ZNF75D: variants seen among roughly 807,000 people sequenced by gnomAD.
ZNF75D encodes zinc finger protein 75D, also known as zinc finger protein 75.
ZNF75D carries 33 observed loss-of-function variants against 33.3 expected under a neutral mutation model. The ratio of observed to expected loss-of-function variants is 0.99; its 90% CI spans 0.75 to 1.32. The LOEUF is 1.32. Among genes scored for constraint, ZNF75D ranks in the 40% most tolerant of loss-of-function variants. ZNF75D has a pLI of 0.00. For synonymous variants in ZNF75D, 113 were observed against 130.6 expected (o/e 0.87, Z 0.92); for missense variants, 338 against 367.5 (o/e 0.92, Z 0.66).
At chrX:135,318,087 ATT>A (rs1278807048) in intron 1 of ZNF75D, among the ~76,000 whole-genome samples, 8 of 95,059 alleles carry the variant, frequency 8.4e-5, no homozygotes, top group Admixed American at 2.3e-4. Context: ...ATATATATAT[ATT>A]TTTTTTTTTT....
At chrX:135,324,786 G>A (rs1015008788) in intron 1 of ZNF75D, among the ~76,000 whole-genome samples, 5 of 112,647 alleles carry the variant, frequency 4.4e-5, no homozygotes, top group African/African-American at 1.3e-4. Flanking sequence ...GGCTGCAAGC[G>A]TAGTTGTCTT....
intron 1 of ZNF75D, among the ~76,000 whole-genome samples, chrX:135,279,575 T>A (rs781860171): frequency 4.5e-5 from 5 of 111,799 alleles, no homozygotes; most frequent in Non-Finnish European, 7.5e-5. Context: ...TTAATTGTGA[T>A]GTTAGGGTGT....
At chrX:135,314,436 A>C (rs1438229690) in intron 1 of ZNF75D, among the ~76,000 whole-genome samples, 1 of 111,386 alleles carries the variant, frequency 9.0e-6, no homozygotes, top group Non-Finnish European at 1.9e-5. Context: ...CTCATCAGGG[A>C]TATTAGCTTA....
intron 1 of ZNF75D, among the ~76,000 whole-genome samples, chrX:135,257,109 G>A (rs1444227535): frequency 8.9e-6 from 1 of 112,272 alleles, no homozygotes; most frequent in African/African-American, 3.2e-5. Flanking sequence ...TCCCAGCTAT[G>A]GTGAAGGACT....
At chrX:135,256,517 G>A (rs1303562204) in intron 1 of ZNF75D, among the ~76,000 whole-genome samples, 1 of 111,920 alleles carries the variant, frequency 8.9e-6, no homozygotes, top group Non-Finnish European at 1.9e-5. Flanking sequence ...GCCACTGTGG[G>A]CAAAAGCGCT....
At chrX:135,288,768 C>A (rs782329719) in intron 6 of ZNF75D, among the ~76,000 whole-genome samples, 29 of 112,002 alleles carry the variant, frequency 2.6e-4, no homozygotes, top group Admixed American at 4.7e-4. Flanking sequence ...AATTTGCACA[C>A]CCTGTACTCT....
intron 1 of ZNF75D, among the ~76,000 whole-genome samples, chrX:135,257,113 A>G (rs1282292514): frequency 8.9e-6 from 1 of 112,295 alleles, no homozygotes; most frequent in Non-Finnish European, 1.9e-5. Flanking sequence ...AGCTATGGTG[A>G]AGGACTCCTT....
At chrX:135,315,406 G>A (rs2148485043) in intron 1 of ZNF75D, among the ~76,000 whole-genome samples, 1 of 112,402 alleles carries the variant, frequency 8.9e-6, no homozygotes, top group Admixed American at 9.4e-5. Flanking sequence ...TGAAAAGAAT[G>A]TGCATTCTGC....
intron 2 of ZNF75D, among the ~76,000 whole-genome samples, chrX:135,295,386 C>T (rs1238474850): frequency 8.9e-6 from 1 of 112,060 alleles, no homozygotes; most frequent in Non-Finnish European, 1.9e-5. Flanking sequence ...GCCCCAAATC[C>T]CCATCCCTGA....
At chrX:135,278,791 T>C (rs2083909512) in intron 1 of ZNF75D, among the ~76,000 whole-genome samples, 1 of 112,411 alleles carries the variant, frequency 8.9e-6, no homozygotes, top group Admixed American at 9.4e-5. Flanking sequence ...TGGATTATGT[T>C]TATTGGTTTG....
In ZNF75D at chrX:135,335,675, G is replaced by C. The variant is rs187995864; in HGVS notation, c.-391+6093C>G. Among the ~76,000 whole-genome samples the C allele has an allele frequency of 7.0e-4, 78 of 112,173 alleles. 2 individuals carry two copies. The East Asian group carries it at 0.02, about 28-fold the overall frequency. ...TATAAAGACTTCACCTCCAAGTCCT[G>C]AGCACCCACATACATATACTCATAT... On this transcript the variant is annotated intron_variant, in intron 1 of 6. Coordinates refer to ENST00000370766, the MANE Select transcript of ZNF75D (RefSeq NM_007131.5).
chrX:135,270,676 T>C (rs1426686378), intron 1 of ZNF75D, among the ~76,000 whole-genome samples: 2 of 109,376 alleles, frequency 1.8e-5, no homozygotes, highest in African/African-American at 3.3e-5. Context: ...CTAAATCCCT[T>C]TGGGTCCAGA....
intron 1 of ZNF75D, among the ~76,000 whole-genome samples, chrX:135,337,655 C>T (rs181601561): frequency 1.8e-5 from 2 of 111,095 alleles, no homozygotes; most frequent in African/African-American, 6.6e-5. Flanking sequence ...TGGAGGAGTG[C>T]ATTAGGTAAA....
chrX:135,310,793 A>C (rs1346678051), intron 1 of ZNF75D, among the ~76,000 whole-genome samples: 2 of 110,053 alleles, frequency 1.8e-5, no homozygotes, highest in Non-Finnish European at 3.8e-5. Context: ...TGTCCATTTA[A>C]CTCTCCTCCC....
chrX:135,283,776 G>A (rs1223489265), downstream of ZNF75D, among the ~76,000 whole-genome samples: 1 of 111,689 alleles, frequency 9.0e-6, no homozygotes, highest in Non-Finnish European at 1.9e-5. Flanking sequence ...GAGTGGAGAA[G>A]GAGCTAGAAG....
intron 1 of ZNF75D, among the ~76,000 whole-genome samples, chrX:135,262,987 G>A (rs2083848801): frequency 8.9e-6 from 1 of 111,861 alleles, no homozygotes; most frequent in Non-Finnish European, 1.9e-5. Context: ...TGGTGTAGAT[G>A]ACCTTTTTGT....
intron 1 of ZNF75D, among the ~76,000 whole-genome samples, chrX:135,301,618 T>G (rs2084219630): frequency 8.9e-6 from 1 of 112,079 alleles, no homozygotes. Context: ...GAGTAGTCAT[T>G]AAATCTTAAA....
At chrX:135,296,353 T>C (rs1049426936) in intron 1 of ZNF75D, among the ~76,000 whole-genome samples, 3 of 112,005 alleles carry the variant, frequency 2.7e-5, no homozygotes, top group Non-Finnish European at 5.6e-5. Context: ...TGCCACGTAT[T>C]GTGCATCCAG....
intron 1 of ZNF75D, among the ~76,000 whole-genome samples, chrX:135,260,482 G>A (rs1280245651): frequency 9.0e-6 from 1 of 111,387 alleles, no homozygotes; most frequent in African/African-American, 3.3e-5. Flanking sequence ...GCCTGTTATT[G>A]GTCTATTCAG....
Sources: gnomAD v4.1 joint callset for allele counts (sites outside exome capture counted in the v4.1 genomes callset) on GRCh38, gnomAD v4.1.1 for gene constraint, MANE v1.5 for transcripts, NCBI Gene and HGNC (gene_info 2026-07-23, HGNC 2026-07-21) for gene names.